The following DENND1A variants were observed in gnomAD, a reference collection of about 807,000 sequenced individuals.
DENND1A encodes DENN domain containing 1A.
In DENND1A, 51 loss-of-function variants were observed where a neutral mutation model predicts 113.7. The observed-to-expected ratio is 0.45, with a 90% CI of 0.36 to 0.57. The LOEUF is 0.57. DENND1A is among the 20% of genes least tolerant of loss of function. DENND1A has a pLI of 0.00. For missense variants in DENND1A, 1,258 were observed against 1,395.9 expected (o/e 0.90, Z 1.57); for synonymous variants, 565 against 570.8 (o/e 0.99, Z 0.14).
rs142571654 is a variant in DENND1A at position 123,384,473 on chromosome 9, G to A, written c.1761-560C>T. Among the ~76,000 whole-genome samples the A allele has an allele frequency of 1.3e-3, 193 of 152,318 alleles. 2 individuals are homozygous for A. Among genetic ancestry groups the A allele is most frequent in the African/African-American group, 4.1e-3 (171 of 41,566 alleles). ...TTTCTTGCTGTGGGACCTTTGGCAGGTCACTTAACTCTCTGAGCCTCAGGT... is the reference window on the plus strand; with the variant it reads ...TTTCTTGCTGTGGGACCTTTGGCAGATCACTTAACTCTCTGAGCCTCAGGT... On this transcript the variant is annotated intron_variant, in intron 22 of 23. Transcript: ENST00000394215.
intron 13 of DENND1A, among the ~76,000 whole-genome samples, chr9:123,524,596 T>C (rs781782730): frequency 2.6e-5 from 4 of 152,182 alleles, no homozygotes; most frequent in Non-Finnish European, 5.9e-5. Context: ...AAGGGCTGAA[T>C]TTGCTGAATC....
rs1259406574 is a variant in DENND1A, at chr9:123,929,372, G to C, written c.17+517C>G. On this transcript the variant is annotated intron_variant, in intron 1 of 23. Transcript: ENST00000394215. ...ACAGATAAGAGGGGGGAAATAGAGA[G>C]ACAGGCCTTCCTCCCCGGCCATCCA... 2.6e-5 allele frequency among the ~76,000 whole-genome samples: 4 copies of C among 152,202 alleles called. No individual in the cohort carries two copies. The East Asian group carries it at 7.7e-4, about 29-fold the overall frequency.
At chr9:123,666,187 A>C (rs769547417) in intron 8 of DENND1A, among the ~76,000 whole-genome samples, 10 of 152,218 alleles carry the variant, frequency 6.6e-5, no homozygotes, top group Non-Finnish European at 1.3e-4. Context: ...AAAATGATTA[A>C]CATGGTAAAT....
intron 2 of DENND1A, among the ~76,000 whole-genome samples, chr9:123,865,380 A>T (rs1046359817): frequency 6.6e-6 from 1 of 152,236 alleles, no homozygotes; most frequent in African/African-American, 2.4e-5. Context: ...GAACTTTTTT[A>T]AAGCCTAAAC....
In DENND1A at chr9:123,422,202, T is replaced by A. The variant is rs977888682; in HGVS notation, c.1489-10373A>T. 1.2e-4 allele frequency among the ~76,000 whole-genome samples: 18 copies of A among 152,114 alleles called. No homozygotes were observed. Among genetic ancestry groups the A allele is most frequent in the Non-Finnish European group, 2.1e-4 (14 of 68,022 alleles). ...GCTGCCCAAGAGTGGGGAACTAGCATCAAATTATCAGTGAAGCCATCACCC... is the reference window on the plus strand; with the variant it reads ...GCTGCCCAAGAGTGGGGAACTAGCAACAAATTATCAGTGAAGCCATCACCC... On this transcript the variant is annotated intron_variant, in intron 19 of 23. Coordinates refer to ENST00000394215, the MANE Select transcript of DENND1A (RefSeq NM_001352964.2). This position sits in a 1 kb window ranked among gnomAD's most constrained non-coding sequence, Gnocchi z 4.8.
chr9:123,412,109 A>C (rs1366022543), intron 19 of DENND1A, among the ~76,000 whole-genome samples: 1 of 152,016 alleles, frequency 6.6e-6, no homozygotes, highest in Non-Finnish European at 1.5e-5. Flanking sequence ...GGCCCTTCCC[A>C]GGTGCAATAG....
In DENND1A at chr9:123,906,377, T is replaced by C. The variant is rs1302152836; in HGVS notation, c.17+23512A>G. Among the ~76,000 whole-genome samples, 4 of 126,050 alleles carry C rather than the reference T, an allele frequency of 3.2e-5. No homozygotes were observed. In the South Asian group the frequency reaches 9.5e-4, roughly 30 times the overall value. 82.7% of individuals were successfully genotyped at this position (126,050 alleles called of 152,430 possible). A position where few individuals can be genotyped will look rare whatever the true frequency, so the allele number is the denominator to read the frequency against. On this transcript the variant is annotated intron_variant, in intron 1 of 23. Transcript: ENST00000394215. ...AAAATCAGAGCAGAACTGAAGGAAA[T>C]AGAGACACAAAAAACCCTTCAAAAA... is the stretch of plus-strand genomic sequence containing the variant.
intron 13 of DENND1A, among the ~76,000 whole-genome samples, chr9:123,522,217 T>G (rs544426072): frequency 6.6e-6 from 1 of 152,364 alleles, no homozygotes; most frequent in South Asian, 2.1e-4. Context: ...GGGTCTGTGT[T>G]GCTCATTCAC....
intron 21 of DENND1A, among the ~76,000 whole-genome samples, chr9:123,394,250 G>A (rs908137747): frequency 6.6e-6 from 1 of 152,082 alleles, no homozygotes; most frequent in African/African-American, 2.4e-5. Context: ...CATCCGCCTC[G>A]GCCTCCCAAA....
chr9:123,568,568 T>C (rs2058179903), intron 12 of DENND1A, among the ~76,000 whole-genome samples: 1 of 152,184 alleles, frequency 6.6e-6, no homozygotes, highest in African/African-American at 2.4e-5. Flanking sequence ...CTGAGCCTAG[T>C]GGATTTACTT....
At chr9:123,651,183 T>A (rs993331131) in intron 9 of DENND1A, among the ~76,000 whole-genome samples, 2 of 151,982 alleles carry the variant, frequency 1.3e-5, no homozygotes, top group Non-Finnish European at 2.9e-5. Flanking sequence ...AAAAGTTATA[T>A]AGAAAGTTCA....
chr9:123,749,545 A>C (rs2069821661), intron 5 of DENND1A, among the ~76,000 whole-genome samples: 1 of 152,212 alleles, frequency 6.6e-6, no homozygotes, highest in African/African-American at 2.4e-5. Context: ...AGATAATTTC[A>C]TAAGATTGCT....
At chr9:123,399,819 G>A (rs2043335109) in intron 21 of DENND1A, among the ~76,000 whole-genome samples, 1 of 152,264 alleles carries the variant, frequency 6.6e-6, no homozygotes, top group African/African-American at 2.4e-5. Context: ...TGGAGAGAAT[G>A]AAATCAAGAA....
At chr9:123,718,415 G>T (rs1433994605) in intron 5 of DENND1A, among the ~76,000 whole-genome samples, 1 of 152,230 alleles carries the variant, frequency 6.6e-6, no homozygotes, top group African/African-American at 2.4e-5. Context: ...GCAGTTCACA[G>T]TTCACCATTG....
Position 123,457,336 on chromosome 9 carries a change from GT to G in DENND1A, c.1186+11del. The G allele has an allele frequency of 7.5e-6, 12 of 1,609,514 alleles. No individual in the cohort carries two copies. The highest frequency in any genetic ancestry group is 1.0e-5 in the Non-Finnish European group (12 of 1,175,840). On this transcript the variant is annotated intron_variant, in intron 15 of 23. Transcript: ENST00000394215. Reference sequence around the variant, plus strand: ...GCCTGCAGCCCCGGAAGGAAAATGAGTTGCTTCTCACCAGCGTACTCGCCCA... The same window carrying G: ...GCCTGCAGCCCCGGAAGGAAAATGAGTGCTTCTCACCAGCGTACTCGCCCA...
intron 2 of DENND1A, among the ~76,000 whole-genome samples, chr9:123,806,580 A>G (rs1383003458): frequency 1.3e-5 from 2 of 152,184 alleles, no homozygotes; most frequent in Admixed American, 6.5e-5. Flanking sequence ...AATAGAGTGA[A>G]AAAATAACAT....
intron 19 of DENND1A, among the ~76,000 whole-genome samples, chr9:123,432,404 C>G (rs1284198188): frequency 6.6e-6 from 1 of 152,242 alleles, no homozygotes; most frequent in Admixed American, 6.5e-5. Flanking sequence ...AGGGGCCACG[C>G]TGCTCTTGGT....
In DENND1A at chr9:123,764,040, C is replaced by G. The variant is rs2131535846; in HGVS notation, c.182+5474G>C. On this transcript the variant is annotated intron_variant, in intron 4 of 23. Coordinates refer to ENST00000394215, the MANE Select transcript of DENND1A (RefSeq NM_001352964.2). The surrounding 1 kb of genome is among the most constrained non-coding windows in gnomAD (Gnocchi z 4.1). ...AGAGGCAGAGATTTATGATGCAGGA[C>G]AGAAGAGAAAACATTAAGGCCTGGA... Among the ~76,000 whole-genome samples the G allele has an allele frequency of 6.6e-6, 1 of 152,216 alleles. No individual in the cohort carries two copies. The highest frequency in any genetic ancestry group is 6.5e-5 in the Admixed American group (1 of 15,284).
intron 13 of DENND1A, among the ~76,000 whole-genome samples, chr9:123,473,986 C>CTT (rs5900577): frequency 8.5e-5 from 6 of 70,718 alleles, no homozygotes; most frequent in African/African-American, 1.4e-4. Context: ...TACTTTCTTT[C>CTT]TTTTTTTTTT....
Sources: allele counts gnomAD v4.1 joint callset (sites outside exome capture counted in the v4.1 genomes callset), GRCh38; gene constraint gnomAD v4.1.1; non-coding constraint Gnocchi (gnomAD v3.1); transcripts MANE v1.5; gene names NCBI Gene and HGNC (gene_info 2026-07-23, HGNC 2026-07-21).